TAS2R41: variants seen among roughly 807,000 people sequenced by gnomAD.
The protein encoded by TAS2R41 is taste 2 receptor member 41.
Under a neutral mutation model 25.1 loss-of-function variants are expected in TAS2R41, and 33 were observed. The ratio of observed to expected loss-of-function variants is 1.31; its 90% CI spans 1.00 to 1.76. The LOEUF (loss-of-function observed/expected upper bound fraction) is 1.76. Among genes scored for constraint, TAS2R41 ranks in the 40% most tolerant of loss-of-function variants. The pLI is 0.00. For missense variants in TAS2R41, 319 were observed against 359.4 expected (o/e 0.89, Z 0.91); for synonymous variants, 151 against 151.6 (o/e 1.00, Z 0.03).
chr7:143,478,589 C>G lies in TAS2R41; in HGVS notation c.717C>G (p.Phe239Leu), dbSNP rs372235749. The change falls in exon 1 of 1, where the codon TTC (phenylalanine) becomes TTG (leucine). Residue 239 changes from phenylalanine to leucine, a missense_variant. Physicochemically the swap from Phe to Leu is conservative, Grantham distance 22. Coordinates refer to ENST00000408916, the MANE Select transcript of TAS2R41 (RefSeq NM_176883.2). ...HTRALKSLIS[F>L]LILYALSFLS... ...GAGCTCTGAAGTCCCTCATCTCCTT[C>G]CTCATTCTTTATGCTCTGTCCTTTC... 12 of 1,614,032 alleles carry G rather than the reference C, an allele frequency of 7.4e-6. No individual in the cohort carries two copies. The African/African-American group carries it at 1.5e-4, about 20-fold the overall frequency.
chr7:143,477,967 G>A lies in TAS2R41; in HGVS notation c.95G>A (p.Gly32Asp), dbSNP rs1807058460. 1 of 1,614,032 alleles carries A rather than the reference G, an allele frequency of 6.2e-7. No homozygotes were observed. The highest frequency in any genetic ancestry group is 8.5e-7 in the Non-Finnish European group (1 of 1,180,048). ...AATGGCTTCATTGTGCTGGTGCTGGGCAGGGAGTGGCTGCGATATGGCAGG... is the reference window on the plus strand; with the variant it reads ...AATGGCTTCATTGTGCTGGTGCTGGACAGGGAGTGGCTGCGATATGGCAGG... ...AANGFIVLVLGREWLRYGRLL... is the reference protein window; with the variant it reads ...AANGFIVLVLDREWLRYGRLL... The change falls in exon 1 of 1, where the codon GGC (glycine) becomes GAC (aspartate). Residue 32 changes from glycine to aspartate, a missense_variant. By Grantham distance (94) the Gly-to-Asp change is moderately conservative. Transcript: ENST00000408916. This position sits in a 1 kb window ranked among gnomAD's most constrained non-coding sequence, Gnocchi z 4.0.
chr7:143,478,627 T>C lies in TAS2R41; in HGVS notation c.755T>C (p.Ile252Thr), dbSNP rs781104779. ...GCTCTGTCCTTTCTGTCCCTGATCATTGATGCCGCAAAATTTATCTCCATG... is the reference window on the plus strand; with the variant it reads ...GCTCTGTCCTTTCTGTCCCTGATCACTGATGCCGCAAAATTTATCTCCATG... ...LYALSFLSLI[I>T]DAAKFISMQN... Residue 252 changes from isoleucine (I) to threonine (T), a missense_variant, in exon 1 of 1, where the codon ATT becomes ACT. Physicochemically the swap from Ile to Thr is moderately conservative, Grantham distance 89. Transcript: ENST00000408916. 8 of 1,614,030 alleles carry C rather than the reference T, an allele frequency of 5.0e-6. No homozygotes were observed. Among genetic ancestry groups the C allele is most frequent in the Non-Finnish European group, 6.8e-6 (8 of 1,180,044 alleles).
chr7:143,478,687 T>G lies in TAS2R41; in HGVS notation c.815T>G (p.Val272Gly). 2 of 1,614,122 alleles carry G rather than the reference T, an allele frequency of 1.2e-6. No homozygotes were observed. The highest frequency in any genetic ancestry group is 1.7e-6 in the Non-Finnish European group (2 of 1,180,020). Residue 272 changes from valine to glycine, a missense_variant, in exon 1 of 1, where the codon GTC becomes GGC. Physicochemically the swap from Val to Gly is moderately radical, Grantham distance 109 (BLOSUM62 -3). Coordinates refer to ENST00000408916, the MANE Select transcript of TAS2R41 (RefSeq NM_176883.2). ...NDFYWPWQIA[V>G]YLCISVHPFI... ...TTTTACTGGCCATGGCAAATTGCAG[T>G]CTACCTGTGCATATCTGTCCATCCC...
Position 143,478,744 on chromosome 7 carries a change from G to T in TAS2R41, c.872G>T (p.Arg291Leu), listed in dbSNP as rs546304222. The T allele has an allele frequency of 2.5e-6, 4 of 1,614,058 alleles. No homozygotes were observed. In the South Asian group the frequency reaches 4.4e-5, roughly 18 times the overall value. ...CTCATCTTCAGCAACCTCAAGCTTC[G>T]AAGCGTGTTCTCGCAGCTCCTGTTG... ...FILIFSNLKLRSVFSQLLLLA... is the reference protein window; with the variant it reads ...FILIFSNLKLLSVFSQLLLLA... Residue 291 changes from arginine (R) to leucine (L), a missense_variant, in exon 1 of 1, where the codon CGA (arginine) becomes CTA (leucine). By Grantham distance (102) the Arg-to-Leu change is moderately radical (BLOSUM62 -2). Coordinates refer to ENST00000408916, the MANE Select transcript of TAS2R41 (RefSeq NM_176883.2).
rs774916860 is a variant in TAS2R41, at chr7:143,477,915, C to T, written c.43C>T (p.Leu15=). The change falls in exon 1 of 1, where the codon CTG becomes TTG. Residue 15 remains leucine (L), a synonymous_variant. Coordinates refer to ENST00000408916, the MANE Select transcript of TAS2R41 (RefSeq NM_176883.2). This position sits in a 1 kb window ranked among gnomAD's most constrained non-coding sequence, Gnocchi z 4.0. ...LTAFFVLLFS[L]LSLLGIAANG... is the part of the protein sequence containing the mutation. Reference sequence around the variant, plus strand: ...GGCCTTCTTCGTGTTGCTCTTTAGCCTGCTGAGTCTTCTGGGGATTGCAGC... The same window carrying T: ...GGCCTTCTTCGTGTTGCTCTTTAGCTTGCTGAGTCTTCTGGGGATTGCAGC... 6.2e-7 allele frequency: 1 copy of T among 1,614,126 alleles called. No homozygotes were observed. The highest frequency in any genetic ancestry group is 8.5e-7 in the Non-Finnish European group (1 of 1,180,032).
In TAS2R41 at chr7:143,478,728, A is replaced by G. The variant is rs1371444031; in HGVS notation, c.856A>G (p.Ser286Gly). ...ISVHPFILIFSNLKLRSVFSQ... is the reference protein window; with the variant it reads ...ISVHPFILIFGNLKLRSVFSQ... ...TGTCCATCCCTTCATCCTCATCTTC[A>G]GCAACCTCAAGCTTCGAAGCGTGTT... The change falls in exon 1 of 1, where the codon AGC (serine) becomes GGC (glycine). Residue 286 changes from serine to glycine, a missense_variant. By Grantham distance (56) the Ser-to-Gly change is moderately conservative. Transcript: ENST00000408916. 1 of 1,614,122 alleles carries G rather than the reference A, an allele frequency of 6.2e-7. No individual in the cohort carries two copies. Among genetic ancestry groups the G allele is most frequent in the South Asian group, 1.1e-5 (1 of 91,074 alleles).
Position 143,478,409 on chromosome 7 carries a change from C to A in TAS2R41, c.537C>A (p.Tyr179Ter), listed in dbSNP as rs76518630. The A allele has an allele frequency of 4.3e-6, 7 of 1,613,970 alleles. No homozygotes were observed. Among genetic ancestry groups the A allele is most frequent in the Non-Finnish European group, 5.9e-6 (7 of 1,180,022 alleles). Residue 179 changes from tyrosine (Y) to a stop codon, truncating the protein, a stop_gained, in exon 1 of 1, where the codon TAC becomes TAA. Transcript: ENST00000408916. LOFTEE classifies it high-confidence loss of function. ...AGTGGAATACAAGGATAGAAACATA[C>A]TATTTCCCATCCCTGAAACTGGTCA... ...TYKWNTRIETYYFPSLKLVIW... is the reference protein window; with the variant it reads ...TYKWNTRIET
chr7:143,478,566 G>A lies in TAS2R41; in HGVS notation c.694G>A (p.Ala232Thr), dbSNP rs1019694875. 8 of 1,614,138 alleles carry A rather than the reference G, an allele frequency of 5.0e-6. No homozygotes were observed. Among genetic ancestry groups the A allele is most frequent in the Non-Finnish European group, 6.8e-6 (8 of 1,180,012 alleles). The change falls in exon 1 of 1, where the codon GCT becomes ACT. Residue 232 changes from alanine (A) to threonine (T), a missense_variant. By Grantham distance (58) the Ala-to-Thr change is moderately conservative. Coordinates refer to ENST00000408916, the MANE Select transcript of TAS2R41 (RefSeq NM_176883.2). ...QDPSTQAHTRALKSLISFLIL... is the reference protein window; with the variant it reads ...QDPSTQAHTRTLKSLISFLIL... ...CCCCAGCACCCAGGCTCACACCAGA[G>A]CTCTGAAGTCCCTCATCTCCTTCCT...
At position 143,478,750 on chromosome 7, in the gene TAS2R41, T is replaced by G; in HGVS notation, c.878T>G (p.Val293Gly). 1 of 1,614,076 alleles carries G rather than the reference T, an allele frequency of 6.2e-7. No homozygotes were observed. Among genetic ancestry groups the G allele is most frequent in the Non-Finnish European group, 8.5e-7 (1 of 1,179,950 alleles). ...LIFSNLKLRS[V>G]FSQLLLLARG... ...TTCAGCAACCTCAAGCTTCGAAGCG[T>G]GTTCTCGCAGCTCCTGTTGTTGGCA... is the stretch of plus-strand genomic sequence containing the variant. The change falls in exon 1 of 1, where the codon GTG becomes GGG. Residue 293 changes from valine (V) to glycine (G), a missense_variant. Transcript: ENST00000408916.
chr7:143,478,285 T>A lies in TAS2R41; in HGVS notation c.413T>A (p.Val138Asp), dbSNP rs200798577. 2.2e-4 allele frequency: 362 copies of A among 1,613,930 alleles called. No individual in the cohort carries two copies. The highest frequency in any genetic ancestry group is 2.8e-4 in the Non-Finnish European group (328 of 1,180,012). ...GTGCCCTGGCTCCTGTTGGGCTCTG[T>A]CCTGATCTCCTTCATCATAACCCTG... Reference protein sequence around the residue: ...GWVPWLLLGSVLISFIITLLF... With the variant: ...GWVPWLLLGSDLISFIITLLF... Residue 138 changes from valine to aspartate, a missense_variant, in exon 1 of 1, where the codon GTC (valine) becomes GAC (aspartate). Coordinates refer to ENST00000408916, the MANE Select transcript of TAS2R41 (RefSeq NM_176883.2).
rs778006548 is a variant in TAS2R41 at position 143,478,698 on chromosome 7, A to AGT, written c.826_827insGT (p.Ile276SerfsTer?). The AGT allele has an allele frequency of 1.9e-6, 3 of 1,614,050 alleles. No homozygotes were observed. Among genetic ancestry groups the AGT allele is most frequent in the African/African-American group, 2.7e-5 (2 of 74,998 alleles). On this transcript the variant is annotated frameshift_variant, in exon 1 of 1. Coordinates refer to ENST00000408916, the MANE Select transcript of TAS2R41 (RefSeq NM_176883.2). LOFTEE classifies it high-confidence loss of function. ...ATGGCAAATTGCAGTCTACCTGTGC[A>AGT]TATCTGTCCATCCCTTCATCCTCAT...
rs759108789 is a variant in TAS2R41 at position 143,478,094 on chromosome 7, C to G, written c.222C>G (p.Val74=). 2 of 1,614,038 alleles carry G rather than the reference C, an allele frequency of 1.2e-6. No individual in the cohort carries two copies. Among genetic ancestry groups the G allele is most frequent in the South Asian group, 2.2e-5 (2 of 91,078 alleles). ...VHNFYYSAQK[V]EYSGGLGRQF... is the part of the protein sequence containing the mutation. ...ACTTCTACTACTCTGCCCAGAAGGT[C>G]GAGTACTCTGGGGGTCTCGGCCGAC... Residue 74 remains valine (V), a synonymous_variant, in exon 1 of 1, where the codon GTC becomes GTG. Coordinates refer to ENST00000408916, the MANE Select transcript of TAS2R41 (RefSeq NM_176883.2).
Position 143,478,363 on chromosome 7 carries a change from T to C in TAS2R41, c.491T>C (p.Phe164Ser), listed in dbSNP as rs757480222. 5.6e-6 allele frequency: 9 copies of C among 1,614,024 alleles called. No individual in the cohort carries two copies. Among genetic ancestry groups the C allele is most frequent in the Non-Finnish European group, 7.6e-6 (9 of 1,180,008 alleles). ...PVYQEFLIRK[F>S]SGNMTYKWNT... is the part of the protein sequence containing the mutation. ...TATCAAGAATTTTTAATTAGAAAAT[T>C]TTCTGGGAACATGACCTACAAGTGG... The change falls in exon 1 of 1, where the codon TTT becomes TCT. Residue 164 changes from phenylalanine to serine, a missense_variant. Coordinates refer to ENST00000408916, the MANE Select transcript of TAS2R41 (RefSeq NM_176883.2).
chr7:143,478,025 G>T lies in TAS2R41; in HGVS notation c.153G>T (p.Leu51Phe). 1 of 1,614,114 alleles carries T rather than the reference G, an allele frequency of 6.2e-7. No individual in the cohort carries two copies. The highest frequency in any genetic ancestry group is 8.5e-7 in the Non-Finnish European group (1 of 1,180,024). ...CCTTGGATATGATCCTCATTAGCTT[G>T]GGTGCCTCCCGCTTCTGCCTGCAGT... ...LLPLDMILISLGASRFCLQLV... is the reference protein window; with the variant it reads ...LLPLDMILISFGASRFCLQLV... Residue 51 changes from leucine (L) to phenylalanine (F), a missense_variant, in exon 1 of 1, where the codon TTG becomes TTT. Physicochemically the swap from Leu to Phe is conservative, Grantham distance 22 (BLOSUM62 0). Coordinates refer to ENST00000408916, the MANE Select transcript of TAS2R41 (RefSeq NM_176883.2).
Position 143,478,504 on chromosome 7 carries a change from C to T in TAS2R41, c.632C>T (p.Thr211Ile). 6.2e-7 allele frequency: 1 copy of T among 1,614,122 alleles called. No individual in the cohort carries two copies. Among genetic ancestry groups the T allele is most frequent in the African/African-American group, 1.3e-5 (1 of 75,020 alleles). The change falls in exon 1 of 1, where the codon ACT becomes ATT. Residue 211 changes from threonine (T) to isoleucine (I), a missense_variant. By Grantham distance (89) the Thr-to-Ile change is moderately conservative. Coordinates refer to ENST00000408916, the MANE Select transcript of TAS2R41 (RefSeq NM_176883.2). Reference sequence around the variant, plus strand: ...TTAATTAATTCTCTGAGGAGGCATACTCAGAGAATGCAGCACAACGGGCAC... The same window carrying T: ...TTAATTAATTCTCTGAGGAGGCATATTCAGAGAATGCAGCACAACGGGCAC... ...MLLINSLRRH[T>I]QRMQHNGHSL...
Position 143,478,103 on chromosome 7 carries a change from T to TG in TAS2R41, c.236dup (p.Leu80SerfsTer34). The TG allele has an allele frequency of 6.2e-7, 1 of 1,614,074 alleles. No homozygotes were observed. Among genetic ancestry groups the TG allele is most frequent in the East Asian group, 2.2e-5 (1 of 44,856 alleles). On this transcript the variant is annotated frameshift_variant, in exon 1 of 1. Transcript: ENST00000408916. LOFTEE classifies it high-confidence loss of function. ...ACTCTGCCCAGAAGGTCGAGTACTC[T>TG]GGGGGTCTCGGCCGACAGTTCTTCC...
rs757849044 is a variant in TAS2R41, at chr7:143,478,599, T to C, written c.727T>C (p.Tyr243His). 1 of 1,614,184 alleles carries C rather than the reference T, an allele frequency of 6.2e-7. No homozygotes were observed. The highest frequency in any genetic ancestry group is 8.5e-7 in the Non-Finnish European group (1 of 1,180,036). The change falls in exon 1 of 1, where the codon TAT becomes CAT. Residue 243 changes from tyrosine (Y) to histidine (H), a missense_variant. Physicochemically the swap from Tyr to His is moderately conservative, Grantham distance 83. Coordinates refer to ENST00000408916, the MANE Select transcript of TAS2R41 (RefSeq NM_176883.2). The part of the protein sequence containing the change: ...LKSLISFLIL[Y>H]ALSFLSLIID... The stretch of plus-strand genomic sequence containing the variant: ...GTCCCTCATCTCCTTCCTCATTCTT[T>C]ATGCTCTGTCCTTTCTGTCCCTGAT...
At position 143,478,606 on chromosome 7, in the gene TAS2R41, T is replaced by C. The variant is rs751243992; in HGVS notation, c.734T>C (p.Leu245Pro). The C allele has an allele frequency of 6.2e-7, 1 of 1,614,174 alleles. No homozygotes were observed. The highest frequency in any genetic ancestry group is 1.1e-5 in the South Asian group (1 of 91,080). The change falls in exon 1 of 1, where the codon CTG becomes CCG. Residue 245 changes from leucine (L) to proline (P), a missense_variant. Transcript: ENST00000408916. ...ATCTCCTTCCTCATTCTTTATGCTC[T>C]GTCCTTTCTGTCCCTGATCATTGAT... ...SLISFLILYA[L>P]SFLSLIIDAA...
At position 143,478,654 on chromosome 7, in the gene TAS2R41, A is replaced by C; in HGVS notation, c.782A>C (p.Gln261Pro). 1 of 1,614,132 alleles carries C rather than the reference A, an allele frequency of 6.2e-7. No individual in the cohort carries two copies. Among genetic ancestry groups the C allele is most frequent in the East Asian group, 2.2e-5 (1 of 44,862 alleles). Residue 261 changes from glutamine to proline, a missense_variant, in exon 1 of 1, where the codon CAG (glutamine) becomes CCG (proline). Gln to Pro is a moderately conservative substitution (Grantham distance 76, BLOSUM62 -1). Coordinates refer to ENST00000408916, the MANE Select transcript of TAS2R41 (RefSeq NM_176883.2). ...IIDAAKFISMQNDFYWPWQIA... is the reference protein window; with the variant it reads ...IIDAAKFISMPNDFYWPWQIA... ...GATGCCGCAAAATTTATCTCCATGC[A>C]GAACGACTTTTACTGGCCATGGCAA... is the stretch of plus-strand genomic sequence containing the variant.
Sources: gnomAD v4.1 joint callset for allele counts on GRCh38, gnomAD v4.1.1 for gene constraint, Gnocchi (gnomAD v3.1) non-coding constraint, MANE v1.5 for transcripts, NCBI Gene and HGNC (gene_info 2026-07-23, HGNC 2026-07-21) for gene names.